SLC28A1: variants seen among roughly 807,000 people sequenced by gnomAD.
SLC28A1 encodes sodium/nucleoside cotransporter 1.
A neutral mutation model predicts 74.8 loss-of-function variants in SLC28A1; 64 were observed. That is an observed-to-expected ratio of 0.86 (90% confidence interval 0.70 to 1.05). SLC28A1 has a LOEUF of 1.05. Among genes scored for constraint, SLC28A1 ranks in the 50% least tolerant of loss-of-function variants. SLC28A1 has a pLI of 0.00. For synonymous variants in SLC28A1, 359 were observed against 335.0 expected, an observed-to-expected ratio of 1.07 and a Z score of -0.78; for missense variants, 828 against 822.8, an observed-to-expected ratio of 1.01 and a Z score of -0.08.
the SLC28A1 span, among the ~76,000 whole-genome samples, chr15:84,959,048 C>T: frequency 1.4e-5 from 2 of 146,112 alleles, no homozygotes; most frequent in Admixed American, 6.9e-5. Context: ...TGCAGTGAGC[C>T]GAGATTGCGC....
At chr15:84,915,004 G>A (rs948381863) in intron 9 of SLC28A1, among the ~76,000 whole-genome samples, 2 of 152,124 alleles carry the variant, frequency 1.3e-5, no homozygotes, top group Non-Finnish European at 2.9e-5. Context: ...CTGATGCCCC[G>A]GGCACTCTCC....
At chr15:84,919,117 G>T (rs1405982214) in intron 10 of SLC28A1, among the ~76,000 whole-genome samples, 1 of 152,192 alleles carries the variant, frequency 6.6e-6, no homozygotes, top group Non-Finnish European at 1.5e-5. Context: ...TTTTGAGGCG[G>T]CACTGAAAAG....
the SLC28A1 span, among the ~76,000 whole-genome samples, chr15:84,969,323 C>T: frequency 1.3e-5 from 2 of 152,204 alleles, no homozygotes; most frequent in East Asian, 3.9e-4. Flanking sequence ...GCCAGAAAAT[C>T]AGGATTCACT....
intron 5 of SLC28A1, among the ~76,000 whole-genome samples, chr15:84,894,082 C>T (rs1390705209): frequency 2.6e-5 from 4 of 152,098 alleles, no homozygotes; most frequent in African/African-American, 9.7e-5. Context: ...ATTCAAAAGC[C>T]AGGGAGAGGC....
rs1010280531 is a variant in SLC28A1, at chr15:84,905,542, T to C, written c.607T>C (p.Ser203Pro). 1 of 1,609,750 alleles carries C rather than the reference T, an allele frequency of 6.2e-7. No individual in the cohort carries two copies. The highest frequency in any genetic ancestry group is 1.1e-5 in the South Asian group (1 of 90,984). Residue 203 changes from serine to proline, a missense_variant, in exon 8 of 19, where the codon TCC becomes CCC. Ser to Pro is a moderately conservative substitution (Grantham distance 74). Around this residue, in one of 3 missense-constraint regions of SLC28A1, gnomAD observed 767 missense variants for 753.5 expected, o/e 1.02. Coordinates refer to ENST00000394573, the MANE Select transcript of SLC28A1 (RefSeq NM_004213.5). ...TTTCTGTTGGGTGGGGTGGTAGGTG[T>C]CCTGGAGGGCCGTGTCTTGGGGACT... Reference protein sequence around the residue: ...FACSKHHCAVSWRAVSWGLGL... With the variant: ...FACSKHHCAVPWRAVSWGLGL...
the SLC28A1 span, among the ~76,000 whole-genome samples, chr15:84,958,864 C>T: frequency 2.0e-5 from 3 of 151,806 alleles, no homozygotes; most frequent in African/African-American, 7.3e-5. Context: ...CTTTGAGAGG[C>T]TAAGGTGGGT....
chr15:84,960,449 G>A, the SLC28A1 span, among the ~76,000 whole-genome samples: 7 of 151,728 alleles, frequency 4.6e-5, no homozygotes, highest in Non-Finnish European at 8.8e-5. Context: ...GTAGAAACAG[G>A]GTTGCACTAT....
In SLC28A1 at chr15:84,935,098, T is replaced by G. The variant is rs1361853513; in HGVS notation, c.1287T>G (p.Ala429=). The change falls in exon 14 of 19, where the codon GCT becomes GCG. Residue 429 remains alanine, a synonymous_variant. Transcript: ENST00000394573. ...AISVKVVANI[A]ANLIAFLAVL... ...CCGTGAAGGTGGTCGCCAACATCGC[T>G]GCCAACCTGATTGCGTTCCTGGCTG... 1.2e-6 allele frequency: 2 copies of G among 1,614,006 alleles called. No homozygotes were observed. The highest frequency in any genetic ancestry group is 1.3e-5 in the African/African-American group (1 of 74,926).
At chr15:84,899,314 T>C (rs1287792797) in intron 6 of SLC28A1, among the ~76,000 whole-genome samples, 3 of 151,606 alleles carry the variant, frequency 2.0e-5, no homozygotes, top group Admixed American at 2.0e-4. Flanking sequence ...ATATACACAA[T>C]TGAAGTCTCC....
At chr15:84,913,870 C>T (rs892812365) in intron 9 of SLC28A1, among the ~76,000 whole-genome samples, 6 of 152,238 alleles carry the variant, frequency 3.9e-5, no homozygotes, top group Non-Finnish European at 8.8e-5. Flanking sequence ...TTGAGGCCCA[C>T]TTTGCTCTCT....
chr15:84,963,936 G>A, the SLC28A1 span, among the ~76,000 whole-genome samples: 2 of 152,016 alleles, frequency 1.3e-5, no homozygotes, highest in Non-Finnish European at 2.9e-5. Context: ...CCTTCCTCTC[G>A]GCTCTTCCAC....
At chr15:84,937,877 A>G (rs1972128938) in intron 15 of SLC28A1, among the ~76,000 whole-genome samples, 1 of 148,292 alleles carries the variant, frequency 6.7e-6, no homozygotes, top group Non-Finnish European at 1.5e-5. Context: ...AGCTTGGGCA[A>G]CAGAGTGAGA....
At chr15:84,895,375 C>T in intron 6 of SLC28A1, 5 of 1,614,040 alleles carry the variant, frequency 3.1e-6, no homozygotes, top group Non-Finnish European at 4.2e-6. Context: ...TTCCTCCATT[C>T]AGGGATCCCA....
At chr15:84,898,335 T>C (rs1247341846) in intron 6 of SLC28A1, among the ~76,000 whole-genome samples, 1 of 152,108 alleles carries the variant, frequency 6.6e-6, no homozygotes, top group African/African-American at 2.4e-5. Flanking sequence ...TCCCAACACT[T>C]TGGGAGGGCG....
At chr15:84,895,852 G>A (rs1965946750) in intron 6 of SLC28A1, 1 of 1,074,916 alleles carries the variant, frequency 9.3e-7, no homozygotes, top group African/African-American at 1.7e-5. Flanking sequence ...GGTGACCAAA[G>A]ATACCCAAAG....
intron 4 of SLC28A1, among the ~76,000 whole-genome samples, chr15:84,890,103 G>A (rs1965192724): frequency 6.9e-6 from 1 of 145,806 alleles, no homozygotes; most frequent in African/African-American, 2.5e-5. Flanking sequence ...CCAAAGTGCT[G>A]GGATTACTGG....
intron 6 of SLC28A1, among the ~76,000 whole-genome samples, chr15:84,900,635 C>CA (rs1256949395): frequency 2.0e-5 from 3 of 151,750 alleles, no homozygotes; most frequent in Non-Finnish European, 2.9e-5. Flanking sequence ...CCCATCTCTA[C>CA]AAAAAAATAG....
At chr15:84,961,773 C>G in the SLC28A1 span, among the ~76,000 whole-genome samples, 1 of 152,146 alleles carries the variant, frequency 6.6e-6, no homozygotes, top group African/African-American at 2.4e-5. Context: ...GTGAGAGAAG[C>G]TCATGCCAGG....
chr15:84,930,665 T>C (rs1329605578), intron 12 of SLC28A1, among the ~76,000 whole-genome samples: 1 of 143,098 alleles, frequency 7.0e-6, no homozygotes, highest in Non-Finnish European at 1.5e-5. Flanking sequence ...TCGCCCGGGC[T>C]GGAGTGCTCA....
Sources: allele counts gnomAD v4.1 joint callset (sites outside exome capture counted in the v4.1 genomes callset), GRCh38; gene constraint gnomAD v4.1.1; regional missense constraint gnomAD v4.1.1; transcripts MANE v1.5; gene names NCBI Gene and HGNC (gene_info 2026-07-23, HGNC 2026-07-21).